Variants in FBXO47 observed in about 807,000 individuals in gnomAD.
FBXO47 encodes the protein F-box protein 47, also known as F-box only protein 47.
A neutral mutation model predicts 53.9 loss-of-function variants in FBXO47; 34 were observed. That is an observed-to-expected ratio of 0.63 (90% CI 0.48 to 0.84). The LOEUF (loss-of-function observed/expected upper bound fraction) is 0.84, where lower values mean the gene tolerates loss of function less well. FBXO47 is among the 40% of genes least tolerant of loss of function. The pLI is 0.00. For synonymous variants in FBXO47, 165 were observed against 181.6 expected (o/e 0.91, Z 0.73); for missense variants, 485 against 541.3 (o/e 0.90, Z 1.03).
intron 3 of FBXO47, among the ~76,000 whole-genome samples, chr17:38,958,213 C>A (rs1164137562): frequency 1.3e-5 from 2 of 152,058 alleles, no homozygotes; most frequent in Non-Finnish European, 1.5e-5. Context: ...AATTCCTGGG[C>A]TCAAGTAATC....
chr17:38,946,603 AAT>A lies in FBXO47; in HGVS notation c.617-1469_617-1468del, dbSNP rs372938144. Among the ~76,000 whole-genome samples, 48 of 83,978 alleles carry A rather than the reference AAT, an allele frequency of 5.7e-4. No homozygotes were observed. In the East Asian group the frequency reaches 8.1e-3, roughly 14 times the overall value. 55.1% of individuals were successfully genotyped at this position (83,978 alleles called of 152,430 possible). On this transcript the variant is annotated intron_variant, in intron 6 of 10. Coordinates refer to ENST00000378079, the MANE Select transcript of FBXO47 (RefSeq NM_001008777.3). ...GAATATATAACTATATAAATATATGAATATATATAACTATATAAATATATATG... is the reference window on the plus strand; with the variant it reads ...GAATATATAACTATATAAATATATGAATATATAACTATATAAATATATATG...
intron 10 of FBXO47, 29 bp downstream of exon 10, chr17:38,938,544 A>T (rs527875930): frequency 5.9e-6 from 9 of 1,523,812 alleles, no homozygotes; most frequent in Non-Finnish European, 8.0e-6. Context: ...TTTTACGCAC[A>T]CCTGTGCACC....
intron 6 of FBXO47, among the ~76,000 whole-genome samples, chr17:38,947,058 A>ACAAATATATG (rs1904968779): frequency 1.0e-4 from 14 of 138,706 alleles, no homozygotes; most frequent in Admixed American, 2.2e-4. Context: ...AAAAACATAT[A>ACAAATATATG]TAAATATATA....
rs139105548 is a variant in FBXO47 at position 38,952,815 on chromosome 17, C to CTTTTTTTTTTTTTTTTTTTT, written c.508-1127_508-1126insAAAAAAAAAAAAAAAAAAAA. On this transcript the variant is annotated intron_variant, in intron 5 of 10. Coordinates refer to ENST00000378079, the MANE Select transcript of FBXO47 (RefSeq NM_001008777.3). ...GACAATTCTGAGCATTTATTTATGA[C>CTTTTTTTTTTTTTTTTTTTT]TTTTTTTTTTTTTTTTTTTGTAGAG... 9.5e-5 allele frequency among the ~76,000 whole-genome samples: 11 copies of CTTTTTTTTTTTTTTTTTTTT among 115,352 alleles called. 1 individual carries two copies. The East Asian group carries it at 3.1e-3, about 32-fold the overall frequency. The allele number at this position is 115,352 out of a possible 152,430, so 75.7% of individuals were successfully genotyped here. A position where few individuals can be genotyped will look rare whatever the true frequency, so the allele number is the denominator to read the frequency against.
chr17:38,958,546 G>A (rs943872941), intron 3 of FBXO47, among the ~76,000 whole-genome samples: 1 of 151,064 alleles, frequency 6.6e-6, no homozygotes, highest in South Asian at 2.1e-4. Flanking sequence ...TGTATGATTT[G>A]TTTCCTCTAA....
chr17:38,941,874 T>A (rs1171654198), intron 9 of FBXO47, among the ~76,000 whole-genome samples: 1 of 151,682 alleles, frequency 6.6e-6, no homozygotes, highest in Non-Finnish European at 1.5e-5. Context: ...GGTTTCGCCA[T>A]GTTGACCAGG....
At chr17:38,946,197 T>A (rs1361051522) in intron 6 of FBXO47, among the ~76,000 whole-genome samples, 8 of 111,784 alleles carry the variant, frequency 7.2e-5, no homozygotes, top group East Asian at 2.7e-4. Flanking sequence ...TATATAAAAA[T>A]ATATATAAAT....
In FBXO47 at chr17:38,938,689, A is replaced by G; in HGVS notation, c.1127T>C (p.Met376Thr). The G allele has an allele frequency of 1.2e-6, 2 of 1,613,290 alleles. No homozygotes were observed. The highest frequency in any genetic ancestry group is 1.7e-6 in the Non-Finnish European group (2 of 1,179,414). The change falls in exon 10 of 11, where the codon ATG becomes ACG. Residue 376 changes from methionine to threonine, a missense_variant. Physicochemically the swap from Met to Thr is moderately conservative, Grantham distance 81. Transcript: ENST00000378079. ...AAAGACTTTGCAGACTTTTTGCATC[A>G]TTTTAACTGTCCAATCCATGCAGTA... ...ELYCMDWTVK[M>T]MQKVCKVFST...
intron 5 of FBXO47, among the ~76,000 whole-genome samples, chr17:38,952,815 C>CTTTTT (rs139105548): frequency 0.016 from 1,867 of 115,224 alleles, 59 homozygotes; most frequent in African/African-American, 0.057. Context: ...TTATTTATGA[C>CTTTTT]TTTTTTTTTT....
chr17:38,966,003 T>C (rs1314442222), intron 1 of FBXO47, among the ~76,000 whole-genome samples: 1 of 152,068 alleles, frequency 6.6e-6, no homozygotes, highest in Non-Finnish European at 1.5e-5. Flanking sequence ...TTTACATACA[T>C]ATATTTCTTT....
rs970784178 is a variant in FBXO47 at position 38,939,652 on chromosome 17, C to CTTTTT, written c.1084-925_1084-921dup. ...AAACTGACTGAAAAGTAAAAGGTTT[C>CTTTTT]TTTTTTTTTTTTTTTTTTTTTTTTT... On this transcript the variant is annotated intron_variant, in intron 9 of 10. Coordinates refer to ENST00000378079, the MANE Select transcript of FBXO47 (RefSeq NM_001008777.3). 4.4e-5 allele frequency among the ~76,000 whole-genome samples: 4 copies of CTTTTT among 91,110 alleles called. 1 individual carries two copies. The highest frequency in any genetic ancestry group is 8.4e-5 in the Non-Finnish European group (4 of 47,460). 59.8% of individuals were successfully genotyped at this position (91,110 alleles called of 152,430 possible). A position where few individuals can be genotyped will look rare whatever the true frequency, so the allele number is the denominator to read the frequency against.
rs869294898 is a variant in FBXO47, at chr17:38,944,700, CAAA to C, written c.793+257_793+259del. Reference sequence around the variant, plus strand: ...CTGGGTGACAGAGCAGACTCCGTCTCAAAAAAAAAAAAAAAAAAAAATTAGCTG... The same window carrying C: ...CTGGGTGACAGAGCAGACTCCGTCTCAAAAAAAAAAAAAAAAAATTAGCTG... On this transcript the variant is annotated intron_variant, in intron 7 of 10. Coordinates refer to ENST00000378079, the MANE Select transcript of FBXO47 (RefSeq NM_001008777.3). 9.0e-3 allele frequency among the ~76,000 whole-genome samples: 815 copies of C among 90,956 alleles called. 30 individuals carry two copies. In the East Asian group the frequency reaches 0.13, roughly 14 times the overall value. The allele number at this position is 90,956 out of a possible 152,430, so 59.7% of individuals were successfully genotyped here. A position where few individuals can be genotyped will look rare whatever the true frequency, so the allele number is the denominator to read the frequency against.
In FBXO47 at chr17:38,946,391, T is replaced by A. The variant is rs531479316; in HGVS notation, c.617-1255A>T. 5.2e-4 allele frequency among the ~76,000 whole-genome samples: 46 copies of A among 89,082 alleles called. 2 individuals carry two copies. The highest frequency in any genetic ancestry group is 2.4e-3 in the African/African-American group (41 of 17,186). The allele number at this position is 89,082 out of a possible 152,430, so 58.4% of individuals were successfully genotyped here. A position where few individuals can be genotyped will look rare whatever the true frequency, so the allele number is the denominator to read the frequency against. ...ATAGATATATATATAAATATATATA[T>A]CTATATATAAATATATAGATATATA... On this transcript the variant is annotated intron_variant, in intron 6 of 10. Transcript: ENST00000378079.
intron 6 of FBXO47, among the ~76,000 whole-genome samples, chr17:38,946,430 A>G (rs1212479363): frequency 2.1e-5 from 2 of 97,134 alleles, no homozygotes; most frequent in East Asian, 3.6e-4. Context: ...AACTATATAA[A>G]TATATATGAA....
intron 6 of FBXO47, among the ~76,000 whole-genome samples, chr17:38,946,117 A>AATATATATTTATATATAAATAC (rs1185965185): frequency 5.4e-5 from 6 of 111,424 alleles, no homozygotes; most frequent in African/African-American, 1.2e-4. Flanking sequence ...TAAATACATA[A>AATATATATTTATATATAAATAC]ATAAATATAT....
chr17:38,965,085 G>A (rs1399977421), intron 1 of FBXO47, among the ~76,000 whole-genome samples: 1 of 151,960 alleles, frequency 6.6e-6, no homozygotes, highest in Non-Finnish European at 1.5e-5. Flanking sequence ...GCTGACCTCA[G>A]GTGAGCCACC....
intron 1 of FBXO47, among the ~76,000 whole-genome samples, chr17:38,966,742 T>C (rs1426511789): frequency 1.3e-5 from 2 of 152,224 alleles, no homozygotes; most frequent in Admixed American, 6.5e-5. Context: ...TCTCCACTTA[T>C]AGTTCCTTAT....
chr17:38,953,853 G>GA (rs1905424746), intron 5 of FBXO47, among the ~76,000 whole-genome samples: 3 of 152,174 alleles, frequency 2.0e-5, no homozygotes, highest in African/African-American at 7.2e-5. Context: ...AATTAAATAA[G>GA]AAAAATCTGT....
intron 3 of FBXO47, among the ~76,000 whole-genome samples, chr17:38,959,289 A>C (rs1183487445): frequency 6.6e-6 from 1 of 152,074 alleles, no homozygotes; most frequent in African/African-American, 2.4e-5. Context: ...AAACAAATTA[A>C]AATTTATAAT....
Sources: gnomAD v4.1 joint callset for allele counts (sites outside exome capture counted in the v4.1 genomes callset) on GRCh38, gnomAD v4.1.1 for gene constraint, MANE v1.5 for transcripts, NCBI Gene and HGNC (gene_info 2026-07-23, HGNC 2026-07-21) for gene names.